The following RAP1A variants were observed in gnomAD, a reference collection of about 807,000 sequenced individuals.
RAP1A encodes the protein ras-related protein Rap-1A.
A neutral mutation model predicts 26.4 loss-of-function variants in RAP1A; 6 were observed. The ratio of observed to expected loss-of-function variants is 0.23; its 90% CI spans 0.12 to 0.45. The LOEUF (loss-of-function observed/expected upper bound fraction) is 0.45, where lower values mean the gene tolerates loss of function less well. Ranked by LOEUF, RAP1A falls within the 20% of genes least tolerant of loss-of-function variation. The pLI, the probability that RAP1A is intolerant of heterozygous loss-of-function variation, is 0.99. For synonymous variants in RAP1A, 73 were observed against 79.4 expected (o/e 0.92, Z 0.43); for missense variants, 121 against 217.2 (o/e 0.56, Z 2.78).
At chr1:111,648,731 C>T (rs1180397426) in intron 1 of RAP1A, 4 of 591,030 alleles carry the variant, frequency 6.8e-6, no homozygotes, top group South Asian at 1.5e-5. Flanking sequence ...CAGCAGACTG[C>T]GTGGTGACCA....
intron 1 of RAP1A, chr1:111,649,060 T>C (rs1270651141): frequency 2.6e-5 from 16 of 614,606 alleles, no homozygotes; most frequent in Middle Eastern, 4.8e-4. Context: ...GACTGGCACA[T>C]GGCCAGCTCT....
chr1:111,613,166 T>A (rs1415669903), intron 1 of RAP1A, among the ~76,000 whole-genome samples: 1 of 150,240 alleles, frequency 6.7e-6, no homozygotes, highest in African/African-American at 2.5e-5. Flanking sequence ...TTTTTTTTTT[T>A]AAGTTTTAAA....
intron 7 of RAP1A, among the ~76,000 whole-genome samples, chr1:111,709,986 T>C (rs1662326900): frequency 6.6e-6 from 1 of 152,218 alleles, no homozygotes; most frequent in African/African-American, 2.4e-5. Context: ...CATGCATTTC[T>C]GTTGGGTATA....
In RAP1A at chr1:111,624,436, G is replaced by A. The variant is rs116042314; in HGVS notation, c.-28+4502G>A. Among the ~76,000 whole-genome samples, 950 of 152,280 alleles carry A rather than the reference G, an allele frequency of 6.2e-3. 9 individuals carry two copies. Among genetic ancestry groups the A allele is most frequent in the African/African-American group, 0.022 (920 of 41,548 alleles). On this transcript the variant is annotated intron_variant, in intron 1 of 7. Coordinates refer to ENST00000369709, the MANE Select transcript of RAP1A (RefSeq NM_002884.4). ...ACATTTTGAAACTTTTGTAATAGTG[G>A]TATAGATTTGCACTGCATAATTCAC...
At chr1:111,547,955 T>C (rs1657099174) in intron 1 of RAP1A, among the ~76,000 whole-genome samples, 1 of 152,240 alleles carries the variant, frequency 6.6e-6, no homozygotes, top group Non-Finnish European at 1.5e-5. Context: ...AAAAAACTGT[T>C]GCTGTGACCT....
At chr1:111,571,690 G>A (rs1021515090) in intron 1 of RAP1A, among the ~76,000 whole-genome samples, 5 of 152,312 alleles carry the variant, frequency 3.3e-5, no homozygotes, top group African/African-American at 1.2e-4. Flanking sequence ...GAAGCCTGAT[G>A]AGGGGCTAAA....
chr1:111,632,588 G>A (rs971113444), intron 1 of RAP1A, among the ~76,000 whole-genome samples: 2 of 152,092 alleles, frequency 1.3e-5, no homozygotes, highest in African/African-American at 4.8e-5. Context: ...GGTAAATTAT[G>A]GTTGAAGGAG....
intron 3 of RAP1A, among the ~76,000 whole-genome samples, chr1:111,695,679 T>C (rs1483024407): frequency 6.6e-6 from 1 of 152,178 alleles, no homozygotes; most frequent in African/African-American, 2.4e-5. Context: ...AAATTGCATA[T>C]AAATAGTAGG....
intron 1 of RAP1A, among the ~76,000 whole-genome samples, chr1:111,668,322 T>C (rs1460646663): frequency 2.6e-5 from 4 of 152,128 alleles, no homozygotes; most frequent in East Asian, 1.9e-4. Flanking sequence ...GACAACTGAA[T>C]TGGACCCCCA....
At chr1:111,617,120 T>A (rs1659028382), upstream of RAP1A, among the ~76,000 whole-genome samples, 3 of 152,080 alleles carry the variant, frequency 2.0e-5, no homozygotes, top group African/African-American at 7.2e-5. Flanking sequence ...GGTGGAGCAA[T>A]CAGAAAAGTA....
At chr1:111,656,523 C>T (rs1024154270) in intron 1 of RAP1A, among the ~76,000 whole-genome samples, 6 of 152,168 alleles carry the variant, frequency 3.9e-5, no homozygotes, top group African/African-American at 7.2e-5. Flanking sequence ...TCTTGCCTCC[C>T]AATCTTTCCT....
At chr1:111,652,844 A>G (rs890886821) in intron 1 of RAP1A, among the ~76,000 whole-genome samples, 23 of 152,146 alleles carry the variant, frequency 1.5e-4, no homozygotes, top group Non-Finnish European at 5.9e-5. Context: ...TGCTAAAGAG[A>G]TGCAATGAAA....
At chr1:111,643,832 A>C (rs1012630157) in intron 1 of RAP1A, among the ~76,000 whole-genome samples, 1 of 152,242 alleles carries the variant, frequency 6.6e-6, no homozygotes, top group Non-Finnish European at 1.5e-5. Flanking sequence ...ACATGCATAC[A>C]TTATGTAAAT....
intron 1 of RAP1A, among the ~76,000 whole-genome samples, chr1:111,636,174 C>T (rs1210371391): frequency 6.6e-6 from 1 of 152,096 alleles, no homozygotes; most frequent in Non-Finnish European, 1.5e-5. Context: ...ATATAGCTGA[C>T]AGTATCCCAG....
intron 1 of RAP1A, among the ~76,000 whole-genome samples, chr1:111,604,018 C>A (rs559731429): frequency 5.3e-5 from 8 of 152,330 alleles, no homozygotes; most frequent in African/African-American, 1.7e-4. Context: ...AGATCATTTA[C>A]AATGTGCCAT....
intron 1 of RAP1A, among the ~76,000 whole-genome samples, chr1:111,628,790 T>G (rs1646757220): frequency 6.6e-6 from 1 of 152,202 alleles, no homozygotes; most frequent in East Asian, 1.9e-4. Flanking sequence ...TAGGCTTACA[T>G]GCAGTTAGGC....
chr1:111,669,026 GAAAA>G (rs58557062), intron 1 of RAP1A, among the ~76,000 whole-genome samples: 3 of 19,828 alleles, frequency 1.5e-4, no homozygotes, highest in South Asian at 1.9e-3. Context: ...CCTATCTCAA[GAAAA>G]AAAAAAAAAA....
intron 1 of RAP1A, among the ~76,000 whole-genome samples, chr1:111,555,086 C>T (rs1366843558): frequency 4.6e-5 from 7 of 151,956 alleles, no homozygotes; most frequent in African/African-American, 7.2e-5. Context: ...ATCAGGCAGG[C>T]GGGGCACAGT....
intron 1 of RAP1A, among the ~76,000 whole-genome samples, chr1:111,664,851 T>TA (rs1393762765): frequency 6.6e-6 from 1 of 152,232 alleles, no homozygotes; most frequent in African/African-American, 2.4e-5. Flanking sequence ...GAGGATTTCT[T>TA]ACAGCACTTC....
Sources: allele counts gnomAD v4.1 joint callset (sites outside exome capture counted in the v4.1 genomes callset), GRCh38; gene constraint gnomAD v4.1.1; transcripts MANE v1.5; gene names NCBI Gene and HGNC (gene_info 2026-07-23, HGNC 2026-07-21).